The following NELL1 variants were observed in gnomAD, a reference collection of about 807,000 sequenced individuals.
The protein encoded by NELL1 is protein kinase C-binding protein NELL1.
A neutral mutation model predicts 107.4 loss-of-function variants in NELL1; 76 were observed. The ratio of observed to expected loss-of-function variants is 0.71; its 90% CI spans 0.59 to 0.86. The LOEUF (loss-of-function observed/expected upper bound fraction) is 0.86, where lower values mean the gene tolerates loss of function less well. Ranked by LOEUF, NELL1 falls within the 40% of genes least tolerant of loss-of-function variation. The pLI is 0.00. For missense variants in NELL1, 1,024 were observed against 1,005.5 expected (o/e 1.02, Z -0.25); for synonymous variants, 353 against 341.2 (o/e 1.03, Z -0.38).
At chr11:20,882,527 A>G (rs1394738931) in intron 4 of NELL1, among the ~76,000 whole-genome samples, 1 of 152,224 alleles carries the variant, frequency 6.6e-6, no homozygotes, top group Non-Finnish European at 1.5e-5. Context: ...GAAAGCGTGT[A>G]TTCATAGATG....
chr11:21,049,268 C>T (rs1853432707), intron 12 of NELL1, among the ~76,000 whole-genome samples: 1 of 152,170 alleles, frequency 6.6e-6, no homozygotes, highest in Non-Finnish European at 1.5e-5. Context: ...ACCCACACTT[C>T]CAGAATCGGA....
chr11:20,806,788 A>C (rs532241438), intron 3 of NELL1, among the ~76,000 whole-genome samples: 1 of 152,180 alleles, frequency 6.6e-6, no homozygotes, highest in African/African-American at 2.4e-5. Flanking sequence ...CCTGTCTTCA[A>C]GTTCACTAAT....
chr11:21,469,821 C>T (rs1252918435), intron 15 of NELL1, among the ~76,000 whole-genome samples: 1 of 151,956 alleles, frequency 6.6e-6, no homozygotes, highest in East Asian at 1.9e-4. Context: ...ATCTTGAATC[C>T]ACAACATTGT....
rs754569601 is a variant in NELL1 at position 20,927,328 on chromosome 11, A to G, written c.780A>G (p.Arg260=). ...MTAKLNYAET[R]LSQLENCHCE... ...TGCAGCTAAATTATGCAGAGACAAGACTTAGTCAATTGGAAAACTGTCATT... is the reference window on the plus strand; with the variant it reads ...TGCAGCTAAATTATGCAGAGACAAGGCTTAGTCAATTGGAAAACTGTCATT... Residue 260 remains arginine, a synonymous_variant, in exon 8 of 20, where the codon AGA becomes AGG. Transcript: ENST00000357134. The G allele has an allele frequency of 3.1e-6, 5 of 1,612,076 alleles. No individual in the cohort carries two copies. Among genetic ancestry groups the G allele is most frequent in the Non-Finnish European group, 4.2e-6 (5 of 1,179,552 alleles).
chr11:20,831,281 C>T (rs937304232), intron 3 of NELL1, among the ~76,000 whole-genome samples: 1 of 152,176 alleles, frequency 6.6e-6, no homozygotes, highest in Non-Finnish European at 1.5e-5. Flanking sequence ...CTGGGGCTTA[C>T]TAGAAATGCC....
chr11:20,883,249 GC>G (rs1308635312), intron 4 of NELL1, among the ~76,000 whole-genome samples: 2 of 152,194 alleles, frequency 1.3e-5, no homozygotes, highest in Non-Finnish European at 2.9e-5. Flanking sequence ...GGGTCACCCT[GC>G]TTTAGCTGGT....
intron 12 of NELL1, among the ~76,000 whole-genome samples, chr11:21,080,378 C>T (rs147854654): frequency 1.4e-4 from 22 of 152,040 alleles, no homozygotes; most frequent in African/African-American, 3.6e-4. Flanking sequence ...CATGAATATT[C>T]GGAAAATATG....
intron 17 of NELL1, among the ~76,000 whole-genome samples, chr11:21,569,361 G>T (rs547982001): frequency 6.6e-6 from 1 of 151,778 alleles, no homozygotes; most frequent in Non-Finnish European, 1.5e-5. Flanking sequence ...AGATACATTC[G>T]CATTCCACAA....
At chr11:21,115,638 G>A (rs1006363563) in intron 13 of NELL1, among the ~76,000 whole-genome samples, 2 of 151,708 alleles carry the variant, frequency 1.3e-5, no homozygotes, top group African/African-American at 4.8e-5. Flanking sequence ...CTTCAATAAA[G>A]TCTTCCCACC....
intron 2 of NELL1, among the ~76,000 whole-genome samples, chr11:20,740,573 A>G (rs377357141): frequency 1.3e-5 from 2 of 152,086 alleles, no homozygotes; most frequent in African/African-American, 4.8e-5. Context: ...TTGATCCTCA[A>G]TGGAGAGTCC....
In NELL1 at chr11:20,934,838, C is replaced by T. The variant is rs375174753; in HGVS notation, c.998-2948C>T. ...GAAATCTAGCTCTCATTAGGACCAACGAGTCATGGTCAACTGATTTATCTA... is the reference window on the plus strand; with the variant it reads ...GAAATCTAGCTCTCATTAGGACCAATGAGTCATGGTCAACTGATTTATCTA... On this transcript the variant is annotated intron_variant, in intron 9 of 19. Transcript: ENST00000357134. Among the ~76,000 whole-genome samples, 36 of 152,106 alleles carry T rather than the reference C, an allele frequency of 2.4e-4. 2 individuals carry two copies. Among genetic ancestry groups the T allele is most frequent in the East Asian group, 1.9e-4 (1 of 5,192 alleles).
At chr11:20,937,674 T>G in intron 9 of NELL1, 112 bp from the exon 10 acceptor site, 1 of 761,168 alleles carries the variant, frequency 1.3e-6, no homozygotes, top group Non-Finnish European at 2.3e-6. Flanking sequence ...TTTGTATTGC[T>G]CAGAAGCAGA....
intron 13 of NELL1, among the ~76,000 whole-genome samples, chr11:21,211,269 G>C (rs1233048863): frequency 6.6e-6 from 1 of 152,104 alleles, no homozygotes; most frequent in Non-Finnish European, 1.5e-5. Flanking sequence ...AGGATAAGCG[G>C]ATATTACGTA....
At chr11:20,831,917 G>T (rs1858018032) in intron 3 of NELL1, among the ~76,000 whole-genome samples, 1 of 152,162 alleles carries the variant, frequency 6.6e-6, no homozygotes. Context: ...ATTAGCTCTA[G>T]GCAAATAGAT....
At chr11:20,793,199 A>G (rs976886309) in intron 3 of NELL1, among the ~76,000 whole-genome samples, 2 of 151,906 alleles carry the variant, frequency 1.3e-5, no homozygotes, top group Non-Finnish European at 2.9e-5. Flanking sequence ...CTTTTGTGGT[A>G]TGGTTTCTAT....
intron 13 of NELL1, among the ~76,000 whole-genome samples, chr11:21,204,114 T>C (rs1311652499): frequency 1.3e-5 from 2 of 152,104 alleles, no homozygotes; most frequent in African/African-American, 4.8e-5. Flanking sequence ...CGAAGAGTAT[T>C]TTTGTGGTGG....
At chr11:21,239,622 G>GA (rs1420338550) in intron 14 of NELL1, among the ~76,000 whole-genome samples, 1 of 151,986 alleles carries the variant, frequency 6.6e-6, no homozygotes, top group Non-Finnish European at 1.5e-5. Flanking sequence ...CTTTGTTCCA[G>GA]AAAAATGGAA....
chr11:20,892,745 A>G (rs1849642630), intron 5 of NELL1, among the ~76,000 whole-genome samples: 1 of 152,198 alleles, frequency 6.6e-6, no homozygotes, highest in Non-Finnish European at 1.5e-5. Context: ...CCTGACCAAC[A>G]TGGTGAAACC....
At chr11:20,812,451 G>A (rs955357954) in intron 3 of NELL1, among the ~76,000 whole-genome samples, 3 of 152,168 alleles carry the variant, frequency 2.0e-5, no homozygotes, top group African/African-American at 7.2e-5. Context: ...TTCTGGCTTT[G>A]TCAGTGTAAT....
Sources: gnomAD v4.1 joint callset for allele counts (sites outside exome capture counted in the v4.1 genomes callset) on GRCh38, gnomAD v4.1.1 for gene constraint, MANE v1.5 for transcripts, NCBI Gene and HGNC (gene_info 2026-07-23, HGNC 2026-07-21) for gene names.